The following MACROH2A2 variants were observed in gnomAD, a reference collection of about 807,000 sequenced individuals.
MACROH2A2 encodes macroH2A.2 histone, also known as core histone macro-H2A.2.
MACROH2A2 carries 6 observed loss-of-function variants against 37.6 expected under a neutral mutation model. The observed-to-expected ratio is 0.16, with a 90% CI of 0.09 to 0.32. The LOEUF (loss-of-function observed/expected upper bound fraction) is 0.32. Among genes scored for constraint, MACROH2A2 ranks in the 10% least tolerant of loss-of-function variants. The pLI, the probability that MACROH2A2 is intolerant of heterozygous loss-of-function variation, is 1.00. For missense variants in MACROH2A2, 290 were observed against 485.9 expected (o/e 0.60, Z 3.79); for synonymous variants, 192 against 202.7 (o/e 0.95, Z 0.45).
At chr10:70,094,882 T>C (rs759671917) in intron 5 of MACROH2A2, among the ~76,000 whole-genome samples, 1 of 152,172 alleles carries the variant, frequency 6.6e-6, no homozygotes, top group African/African-American at 2.4e-5. Flanking sequence ...CCATTACTTC[T>C]CTCCAGCAAG....
chr10:70,101,799 T>C (rs1240160246), intron 7 of MACROH2A2, among the ~76,000 whole-genome samples: 1 of 152,220 alleles, frequency 6.6e-6, no homozygotes, highest in Non-Finnish European at 1.5e-5. Context: ...TTTTTCAAAG[T>C]TCATCCATAC....
chr10:70,055,462 T>C lies in MACROH2A2; in HGVS notation c.-60+2462T>C, dbSNP rs528492756. On this transcript the variant is annotated intron_variant, in intron 1 of 8. Coordinates refer to ENST00000373255, the MANE Select transcript of MACROH2A2 (RefSeq NM_018649.3). ...TCTCGCTATATTGCTCAGACTGGTC[T>C]CGAAATCCTGGGTTCAAGGGGTCCT... Among the ~76,000 whole-genome samples, 13 of 152,294 alleles carry C rather than the reference T, an allele frequency of 8.5e-5. No individual in the cohort carries two copies. In the East Asian group the frequency reaches 2.5e-3, roughly 29 times the overall value.
At chr10:70,079,565 G>GCGCGCGCGCGCA (rs1386558755) in intron 2 of MACROH2A2, among the ~76,000 whole-genome samples, 2 of 126,216 alleles carry the variant, frequency 1.6e-5, no homozygotes, top group African/African-American at 6.5e-5. Flanking sequence ...GCGCGCGCGC[G>GCGCGCGCGCGCA]CACACACACA....
intron 1 of MACROH2A2, among the ~76,000 whole-genome samples, chr10:70,068,607 C>T (rs1454264948): frequency 6.6e-6 from 1 of 152,180 alleles, no homozygotes; most frequent in Admixed American, 6.5e-5. Flanking sequence ...CTTTTAATCA[C>T]AGCAACAGCC....
intron 2 of MACROH2A2, among the ~76,000 whole-genome samples, chr10:70,088,306 C>A (rs188605252): frequency 1.3e-5 from 2 of 152,290 alleles, no homozygotes; most frequent in African/African-American, 4.8e-5. Flanking sequence ...CACTTTCCCC[C>A]CTCATTATCA....
chr10:70,064,573 G>A (rs2072068247), intron 1 of MACROH2A2, among the ~76,000 whole-genome samples: 1 of 152,024 alleles, frequency 6.6e-6, no homozygotes, highest in Non-Finnish European at 1.5e-5. Flanking sequence ...CCCACATGTT[G>A]TGGGAGCGAC....
In MACROH2A2 at chr10:70,075,581, T is replaced by G. The variant is rs985540377; in HGVS notation, c.-59-19T>G. The G allele has an allele frequency of 1.6e-5, 23 of 1,419,554 alleles. 1 individual carries two copies. The South Asian group carries it at 2.8e-4, about 17-fold the overall frequency. 87.9% of individuals were successfully genotyped at this position (1,419,554 alleles called of 1,614,324 possible). A position where few individuals can be genotyped will look rare whatever the true frequency, so the allele number is the denominator to read the frequency against. On this transcript the variant is annotated intron_variant, in intron 1 of 8. Transcript: ENST00000373255. This position sits in a 1 kb window ranked among gnomAD's most constrained non-coding sequence, Gnocchi z 5.0. ...TTTGCCAACTACCCTTCCTCAACTC[T>G]GTCTTCTTTCCTTTTTAGCATTGTG...
At chr10:70,065,144 T>C (rs1013919095) in intron 1 of MACROH2A2, among the ~76,000 whole-genome samples, 2 of 152,028 alleles carry the variant, frequency 1.3e-5, no homozygotes, top group South Asian at 2.1e-4. Context: ...CCTCCCAGGT[T>C]CAAGTGATTC....
intron 2 of MACROH2A2, among the ~76,000 whole-genome samples, chr10:70,085,548 TC>T (rs1416744657): frequency 6.6e-6 from 1 of 152,202 alleles, no homozygotes; most frequent in Non-Finnish European, 1.5e-5. Flanking sequence ...CTATTTCCCA[TC>T]TTCTGTGGGC....
At position 70,109,348 on chromosome 10, in the gene MACROH2A2, C is replaced by T. The variant is rs60034453; in HGVS notation, c.953+141C>T. 3.5e-3 allele frequency: 2,453 copies of T among 698,490 alleles called. 34 individuals carry two copies. In the African/African-American group the frequency reaches 0.039, roughly 11 times the overall value. The allele number at this position is 698,490 out of a possible 1,614,324, so 43.3% of individuals were successfully genotyped here. A position where few individuals can be genotyped will look rare whatever the true frequency, so the allele number is the denominator to read the frequency against. ...TGACCAGATGACAGGGCAGGAAACCCGGTTTTCATCCTTCAGAAACCATGG... is the reference window on the plus strand; with the variant it reads ...TGACCAGATGACAGGGCAGGAAACCTGGTTTTCATCCTTCAGAAACCATGG... On this transcript the variant is annotated intron_variant, in intron 8 of 8. Coordinates refer to ENST00000373255, the MANE Select transcript of MACROH2A2 (RefSeq NM_018649.3).
chr10:70,060,426 G>A (rs911785418), intron 1 of MACROH2A2, among the ~76,000 whole-genome samples: 1 of 152,042 alleles, frequency 6.6e-6, no homozygotes, highest in Admixed American at 6.6e-5. Context: ...GGGTAGGGAG[G>A]TGCAGGCAGA....
rs1261899098 is a variant in MACROH2A2, at chr10:70,055,106, T to C, written c.-60+2106T>C. On this transcript the variant is annotated intron_variant, in intron 1 of 8. Coordinates refer to ENST00000373255, the MANE Select transcript of MACROH2A2 (RefSeq NM_018649.3). Reference sequence around the variant, plus strand: ...CTCTGGTCTGCCATTTCCCAGTGGGTGGGACACCCTGCTAGCTATTGTCTG... The same window carrying C: ...CTCTGGTCTGCCATTTCCCAGTGGGCGGGACACCCTGCTAGCTATTGTCTG... Among the ~76,000 whole-genome samples, 5 of 152,332 alleles carry C rather than the reference T, an allele frequency of 3.3e-5. No individual in the cohort carries two copies. The South Asian group carries it at 8.3e-4, about 25-fold the overall frequency.
chr10:70,093,910 C>A, intron 5 of MACROH2A2, 65 bp downstream of exon 5: 1 of 817,974 alleles, frequency 1.2e-6, no homozygotes, highest in Non-Finnish European at 2.1e-6. Flanking sequence ...CTACTGTTTA[C>A]AAGCAATGAT....
At chr10:70,096,715 A>C (rs2072278670) in intron 6 of MACROH2A2, among the ~76,000 whole-genome samples, 1 of 152,218 alleles carries the variant, frequency 6.6e-6, no homozygotes, top group Admixed American at 6.5e-5. Flanking sequence ...TCTCTAGGGT[A>C]CAGGGCTTGC....
At chr10:70,068,674 T>C (rs1267070231) in intron 1 of MACROH2A2, among the ~76,000 whole-genome samples, 1 of 152,206 alleles carries the variant, frequency 6.6e-6, no homozygotes, top group African/African-American at 2.4e-5. Flanking sequence ...TAGTGCACCC[T>C]ACTGTTGAAA....
At chr10:70,088,222 G>GCA (rs1231574432) in intron 2 of MACROH2A2, among the ~76,000 whole-genome samples, 1 of 147,090 alleles carries the variant, frequency 6.8e-6, no homozygotes, top group Admixed American at 6.8e-5. Context: ...GTACATTCAC[G>GCA]CACACACACA....
At chr10:70,076,930 C>A (rs1317951135) in intron 2 of MACROH2A2, among the ~76,000 whole-genome samples, 4 of 152,110 alleles carry the variant, frequency 2.6e-5, no homozygotes, top group Admixed American at 2.6e-4. Flanking sequence ...TTTCCTTGAT[C>A]CACGGATCCA....
rs376568566 is a variant in MACROH2A2, at chr10:70,090,571, T to A, written c.279+405T>A. 5.9e-5 allele frequency among the ~76,000 whole-genome samples: 9 copies of A among 152,362 alleles called. No homozygotes were observed. The East Asian group carries it at 1.7e-3, about 29-fold the overall frequency. On this transcript the variant is annotated intron_variant, in intron 3 of 8. Coordinates refer to ENST00000373255, the MANE Select transcript of MACROH2A2 (RefSeq NM_018649.3). ...GAAACTGACTCCAAAGTCAAGCGAA[T>A]ACCCCCTTTTCACCTACAGTATATG...
chr10:70,066,241 T>C (rs2072078797), intron 1 of MACROH2A2, among the ~76,000 whole-genome samples: 1 of 152,098 alleles, frequency 6.6e-6, no homozygotes, highest in Admixed American at 6.6e-5. Flanking sequence ...AGGTAGAGGA[T>C]TGCTTGAGCC....
Sources: allele counts gnomAD v4.1 joint callset (sites outside exome capture counted in the v4.1 genomes callset), GRCh38; gene constraint gnomAD v4.1.1; non-coding constraint Gnocchi (gnomAD v3.1); transcripts MANE v1.5; gene names NCBI Gene and HGNC (gene_info 2026-07-23, HGNC 2026-07-21).